BRF2: variants seen among roughly 807,000 people sequenced by gnomAD.
BRF2 encodes BRF2 general transcription factor IIIB subunit, also known as transcription factor IIIB 50 kDa subunit.
Under a neutral mutation model 26.6 loss-of-function variants are expected in BRF2, and 17 were observed. That is an observed-to-expected ratio of 0.64 (90% CI 0.44 to 0.96). The LOEUF (loss-of-function observed/expected upper bound fraction) is 0.96, where lower values mean the gene tolerates loss of function less well. Among genes scored for constraint, BRF2 ranks in the 40% least tolerant of loss-of-function variants. The probability of loss-of-function intolerance (pLI) is 0.00; values close to 1 mark genes in which losing one functional copy is unlikely to be tolerated. For synonymous variants in BRF2, 219 were observed against 226.6 expected, an observed-to-expected ratio of 0.97 and a Z score of 0.30; for missense variants, 515 against 537.0, an observed-to-expected ratio of 0.96 and a Z score of 0.40.
In BRF2 at chr8:37,844,610, T is replaced by C; in HGVS notation, c.1140A>G (p.Gly380=). Reference sequence around the variant, plus strand: ...TTTCACTATCAGAAATGTTCTCATCTCCAGTGACAGTGGAGACAGGGGGTA... The same window carrying C: ...TTTCACTATCAGAAATGTTCTCATCCCCAGTGACAGTGGAGACAGGGGGTA... The part of the protein sequence containing the change: ...CPVPPVSTVT[G]DENISDSEIE... The change falls in exon 4 of 4, where the codon GGA becomes GGG. Residue 380 remains glycine (G), a synonymous_variant. Coordinates refer to ENST00000220659, the MANE Select transcript of BRF2 (RefSeq NM_018310.4). 1 of 1,614,106 alleles carries C rather than the reference T, an allele frequency of 6.2e-7. No homozygotes were observed. Among genetic ancestry groups the C allele is most frequent in the Non-Finnish European group, 8.5e-7 (1 of 1,180,034 alleles).
In BRF2 at chr8:37,845,195, A is replaced by G; in HGVS notation, c.555T>C (p.Ala185=). Residue 185 remains alanine, a synonymous_variant, in exon 4 of 4, where the codon GCT becomes GCC. Coordinates refer to ENST00000220659, the MANE Select transcript of BRF2 (RefSeq NM_018310.4). ...TYCSSFKLFQ[A]SPSVPAKYVE... ...CGTATTTGGCTGGCACAGAAGGTGAAGCTTGGAACAGTTTGAAGCTGAAAT... is the reference window on the plus strand; with the variant it reads ...CGTATTTGGCTGGCACAGAAGGTGAGGCTTGGAACAGTTTGAAGCTGAAAT... 1.2e-6 allele frequency: 2 copies of G among 1,610,544 alleles called. No homozygotes were observed. The highest frequency in any genetic ancestry group is 1.1e-5 in the South Asian group (1 of 91,042).
intron 3 of BRF2, among the ~76,000 whole-genome samples, chr8:37,846,565 G>A (rs995996555): frequency 2.0e-5 from 3 of 151,784 alleles, no homozygotes; most frequent in African/African-American, 7.3e-5. Flanking sequence ...GATCAGCCTG[G>A]TCAACATGGT....
rs1338277223 is a variant in BRF2, at chr8:37,843,542, G to C, written c.*948C>G. The C allele has an allele frequency of 6.6e-6, 1 of 152,208 alleles. No homozygotes were observed. Among genetic ancestry groups the C allele is most frequent in the African/African-American group, 2.4e-5 (1 of 41,416 alleles). The allele number at this position is 152,208 out of a possible 1,614,324, so 9.4% of individuals were successfully genotyped here. A position where few individuals can be genotyped will look rare whatever the true frequency, so the allele number is the denominator to read the frequency against. On this transcript the variant is annotated 3_prime_UTR_variant, in exon 4 of 4. Coordinates refer to ENST00000220659, the MANE Select transcript of BRF2 (RefSeq NM_018310.4). ...ACCAACCACCAGCATTTCACTACAG[G>C]ACCAAATGGAAACCGAGGGAACCCT...
Position 37,844,621 on chromosome 8 carries a change from T to G in BRF2, c.1129A>C (p.Thr377Pro), listed in dbSNP as rs567273563. The change falls in exon 4 of 4, where the codon ACT (threonine) becomes CCT (proline). Residue 377 changes from threonine (T) to proline (P), a missense_variant. Thr to Pro is a conservative substitution (Grantham distance 38). Coordinates refer to ENST00000220659, the MANE Select transcript of BRF2 (RefSeq NM_018310.4). ...GAAATGTTCTCATCTCCAGTGACAG[T>G]GGAGACAGGGGGTACAGGGCAGATC... ...KRICPVPPVSTVTGDENISDS... is the reference protein window; with the variant it reads ...KRICPVPPVSPVTGDENISDS... 6.2e-7 allele frequency: 1 copy of G among 1,614,082 alleles called. No individual in the cohort carries two copies. The highest frequency in any genetic ancestry group is 8.5e-7 in the Non-Finnish European group (1 of 1,180,008).
Position 37,846,976 on chromosome 8 carries a change from G to A in BRF2, c.414C>T (p.Ile138=). Residue 138 remains isoleucine, a synonymous_variant, in exon 3 of 4, where the codon ATC becomes ATT. Coordinates refer to ENST00000220659, the MANE Select transcript of BRF2 (RefSeq NM_018310.4). The part of the protein sequence containing the change: ...QHNWPLTMGA[I]CTLLYADLDV... ...CCAAATCTGCATACAACAGCGTGCAGATGGCCCCCATTGTTAGGGGCCAGT... is the reference window on the plus strand; with the variant it reads ...CCAAATCTGCATACAACAGCGTGCAAATGGCCCCCATTGTTAGGGGCCAGT... The A allele has an allele frequency of 2.5e-6, 4 of 1,614,206 alleles. No individual in the cohort carries two copies. Among genetic ancestry groups the A allele is most frequent in the Non-Finnish European group, 3.4e-6 (4 of 1,180,014 alleles).
In BRF2 at chr8:37,844,548, T is replaced by A. The variant is rs1278026697; in HGVS notation, c.1202A>T (p.Asp401Val). The A allele has an allele frequency of 3.1e-6, 5 of 1,613,906 alleles. No individual in the cohort carries two copies. The highest frequency in any genetic ancestry group is 4.2e-6 in the Non-Finnish European group (5 of 1,180,014). The change falls in exon 4 of 4, where the codon GAC becomes GTC. Residue 401 changes from aspartate to valine, a missense_variant. Physicochemically the swap from Asp to Val is radical, Grantham distance 152. Coordinates refer to ENST00000220659, the MANE Select transcript of BRF2 (RefSeq NM_018310.4). ...QYLRTPQEVR[D>V]FQRAQAARQA... is the part of the protein sequence containing the mutation. ...TCTAGCAGCCTGGGCTCTCTGAAAG[T>A]CCCTAACTTCCTGAGGGGTACGCAA...
chr8:37,849,851 C>G lies in BRF2; in HGVS notation c.-68G>C. The G allele has an allele frequency of 6.8e-7, 1 of 1,472,990 alleles. No homozygotes were observed. The highest frequency in any genetic ancestry group is 1.4e-5 in the African/African-American group (1 of 71,540). The allele number at this position is 1,472,990 out of a possible 1,614,324, so 91.2% of individuals were successfully genotyped here. A position where few individuals can be genotyped will look rare whatever the true frequency, so the allele number is the denominator to read the frequency against. Reference sequence around the variant, plus strand: ...TGGGTCTGCAACAGCAACCGTGAGGCAGCAAGAAGTAGGAGGGGACACTTC... The same window carrying G: ...TGGGTCTGCAACAGCAACCGTGAGGGAGCAAGAAGTAGGAGGGGACACTTC... On this transcript the variant is annotated 5_prime_UTR_variant, in exon 1 of 4. Transcript: ENST00000220659.
chr8:37,847,070 C>T lies in BRF2; in HGVS notation c.320G>A (p.Arg107Gln), dbSNP rs149182257. 526 of 1,614,210 alleles carry T rather than the reference C, an allele frequency of 3.3e-4. 1 individual carries two copies. Among genetic ancestry groups the T allele is most frequent in the South Asian group, 2.2e-4 (20 of 91,078 alleles). Residue 107 changes from arginine (R) to glutamine (Q), a missense_variant, in exon 3 of 4, where the codon CGA becomes CAA. Transcript: ENST00000220659. Reference sequence around the variant, plus strand: ...CTCCTTCTTTTGCAGCCTGGCCGCTCGGATGCCAGAGTGCCGATATGCCTG... The same window carrying T: ...CTCCTTCTTTTGCAGCCTGGCCGCTTGGATGCCAGAGTGCCGATATGCCTG... ...YQQAYRHSGI[R>Q]AARLQKKEVL...
chr8:37,847,928 T>TTTATTATTATTA (rs201041026), intron 2 of BRF2, among the ~76,000 whole-genome samples: 10 of 84,004 alleles, frequency 1.2e-4, no homozygotes, highest in African/African-American at 2.3e-4. Context: ...ATAGTTTTCT[T>TTTATTATTATTA]TTATTATTAT....
intron 2 of BRF2, among the ~76,000 whole-genome samples, chr8:37,848,074 C>T (rs972370276): frequency 4.6e-5 from 7 of 151,208 alleles, no homozygotes; most frequent in African/African-American, 1.2e-4. Context: ...CTCAGCCTCC[C>T]GAGTAGCTGG....
chr8:37,846,728 C>T, intron 3 of BRF2, 126 bp downstream of exon 3: 1 of 721,652 alleles, frequency 1.4e-6, no homozygotes, highest in Non-Finnish European at 2.4e-6. Context: ...GATCGTGCCA[C>T]TGCACTCCAG....
chr8:37,845,751 A>G, intron 3 of BRF2: 1 of 680,252 alleles, frequency 1.5e-6, no homozygotes, highest in Middle Eastern at 2.4e-4. Flanking sequence ...GCAGTGAGCT[A>G]TGATGGTGCC....
chr8:37,844,570 G>A lies in BRF2; in HGVS notation c.1180C>T (p.Arg394Cys), dbSNP rs751368381. The A allele has an allele frequency of 3.1e-5, 50 of 1,613,908 alleles. No homozygotes were observed. The highest frequency in any genetic ancestry group is 8.3e-5 in the Admixed American group (5 of 59,992). Residue 394 changes from arginine to cysteine, a missense_variant, in exon 4 of 4, where the codon CGT becomes TGT. Arg to Cys is a radical substitution (Grantham distance 180). Coordinates refer to ENST00000220659, the MANE Select transcript of BRF2 (RefSeq NM_018310.4). ...ISDSEIEQYL[R>C]TPQEVRDFQR... ...AAGTCCCTAACTTCCTGAGGGGTAC[G>A]CAAATACTGTTCTATTTCACTATCA... is the stretch of plus-strand genomic sequence containing the variant.
At position 37,843,424 on chromosome 8, in the gene BRF2, C is replaced by G. The variant is rs1429978342; in HGVS notation, c.*1066G>C. 1 of 152,268 alleles carries G rather than the reference C, an allele frequency of 6.6e-6. No homozygotes were observed. The highest frequency in any genetic ancestry group is 1.9e-4 in the East Asian group (1 of 5,194). 9.4% of individuals were successfully genotyped at this position (152,268 alleles called of 1,614,324 possible). ...CCGACTCCCAGGAGCTCAAGCCAAG[C>G]CCAGAGGCAGTGGCTGGGGTCCCTG... On this transcript the variant is annotated 3_prime_UTR_variant, in exon 4 of 4. Coordinates refer to ENST00000220659, the MANE Select transcript of BRF2 (RefSeq NM_018310.4).
chr8:37,849,730 G>T lies in BRF2; in HGVS notation c.54C>A (p.Asp18Glu). ...CCAGCTGGCTCTGCGAATAGTGCGA[G>T]TCTTCCACCAGCTCCGTGGAGCCGC... ...PDCGSTELVE[D>E]SHYSQSQLVC... Residue 18 changes from aspartate to glutamate, a missense_variant, in exon 1 of 4, where the codon GAC (aspartate) becomes GAA (glutamate). Physicochemically the swap from Asp to Glu is conservative, Grantham distance 45 (BLOSUM62 2). Coordinates refer to ENST00000220659, the MANE Select transcript of BRF2 (RefSeq NM_018310.4). The T allele has an allele frequency of 6.2e-7, 1 of 1,613,546 alleles. No individual in the cohort carries two copies.
chr8:37,848,695 A>G, intron 1 of BRF2, 40 bp from the exon 2 acceptor site: 2 of 1,533,374 alleles, frequency 1.3e-6, no homozygotes, highest in Non-Finnish European at 1.8e-6. Flanking sequence ...CTTAGCCTTT[A>G]TTCATCAGAC....
In BRF2 at chr8:37,848,614, T is replaced by G. The variant is rs1265987795; in HGVS notation, c.196A>C (p.Ser66Arg). 6.2e-7 allele frequency: 1 copy of G among 1,614,210 alleles called. No individual in the cohort carries two copies. The highest frequency in any genetic ancestry group is 1.7e-5 in the Admixed American group (1 of 60,020). Reference protein sequence around the residue: ...SRSTGENEQVSRSQQRGLRRV... With the variant: ...SRSTGENEQVRRSQQRGLRRV... ...TTCTCACCTCGTTGCTGGCTGCGACTAACTTGTTCGTTTTCCCCTGTGCTT... is the reference window on the plus strand; with the variant it reads ...TTCTCACCTCGTTGCTGGCTGCGACGAACTTGTTCGTTTTCCCCTGTGCTT... The change falls in exon 2 of 4, where the codon AGT (serine) becomes CGT (arginine). Residue 66 changes from serine to arginine, a missense_variant. By Grantham distance (110) the Ser-to-Arg change is moderately radical. Transcript: ENST00000220659.
rs1585414759 is a variant in BRF2 at position 37,844,403 on chromosome 8, C to T, written c.*87G>A. The T allele has an allele frequency of 1.4e-5, 21 of 1,521,922 alleles. No individual in the cohort carries two copies. Among genetic ancestry groups the T allele is most frequent in the Admixed American group, 7.5e-5 (4 of 53,502 alleles). The allele number at this position is 1,521,922 out of a possible 1,614,324, so 94.3% of individuals were successfully genotyped here. ...CTTCAAACAAGAAAAGCAATACCTA[C>T]GGACTGGTGTACACTTCCATCCTTG... is the stretch of plus-strand genomic sequence containing the variant. On this transcript the variant is annotated 3_prime_UTR_variant, in exon 4 of 4. Transcript: ENST00000220659.
intron 2 of BRF2, among the ~76,000 whole-genome samples, chr8:37,847,998 G>A (rs1345693172): frequency 6.6e-6 from 1 of 151,180 alleles, no homozygotes; most frequent in Non-Finnish European, 1.5e-5. Flanking sequence ...CACCCAGGCC[G>A]GAGTGCTGTG....
Sources: gnomAD v4.1 joint callset for allele counts (sites outside exome capture counted in the v4.1 genomes callset) on GRCh38, gnomAD v4.1.1 for gene constraint, MANE v1.5 for transcripts, NCBI Gene and HGNC (gene_info 2026-07-23, HGNC 2026-07-21) for gene names.